PIF1: variants seen among roughly 807,000 people sequenced by gnomAD.
PIF1 encodes the protein ATP-dependent DNA helicase PIF1.
A neutral mutation model predicts 62.3 loss-of-function variants in PIF1; 67 were observed. The ratio of observed to expected loss-of-function variants is 1.08; its 90% CI spans 0.88 to 1.32. The LOEUF (loss-of-function observed/expected upper bound fraction) is 1.32, where lower values mean the gene tolerates loss of function less well. Among genes scored for constraint, PIF1 ranks in the 40% most tolerant of loss-of-function variants. PIF1 has a pLI of 0.00. For synonymous variants in PIF1, 364 were observed against 379.5 expected (o/e 0.96, Z 0.47); for missense variants, 886 against 866.1 (o/e 1.02, Z -0.29).
In PIF1 at chr15:64,818,117, C is replaced by A. The variant is rs781154705; in HGVS notation, c.1529-26G>T. On this transcript the variant is annotated intron_variant, in intron 10 of 12. Transcript: ENST00000559239. ...CTAAGGAGAGCATGGAGCAGTCCAA[C>A]TTTAGCTCTGCTTCAGGGCTCTGAG... is the stretch of plus-strand genomic sequence containing the variant. 1.9e-6 allele frequency: 3 copies of A among 1,613,134 alleles called. No individual in the cohort carries two copies. The East Asian group carries it at 6.7e-5, about 36-fold the overall frequency.
chr15:64,818,142 G>A, intron 10 of PIF1, 51 bp from the exon 11 acceptor site: 6 of 1,611,936 alleles, frequency 3.7e-6, no homozygotes, highest in Non-Finnish European at 5.1e-6. Context: ...AGGGCTCTGA[G>A]GTGAGGAGCA....
intron 11 of PIF1, 124 bp downstream of exon 11, chr15:64,817,822 A>C: frequency 8.6e-7 from 1 of 1,160,866 alleles, no homozygotes; most frequent in Non-Finnish European, 1.2e-6. Flanking sequence ...AGATCGCGCC[A>C]CTGCACTCCA....
chr15:64,820,001 C>T lies in PIF1; in HGVS notation c.1194-15G>A, dbSNP rs774600030. 1.5e-5 allele frequency: 24 copies of T among 1,611,214 alleles called. No individual in the cohort carries two copies. Among genetic ancestry groups the T allele is most frequent in the Non-Finnish European group, 2.0e-5 (24 of 1,178,610 alleles). ...CATCTGAACACCTGTTGGGGCTGGA[C>T]TGTCAGGGCAGAGCCCACCTGTGCA... On this transcript the variant is annotated splice_polypyrimidine_tract_variant and intron_variant, in intron 7 of 12. Coordinates refer to ENST00000559239, the MANE Select transcript of PIF1 (RefSeq NM_001286496.2).
chr15:64,819,988 T>C lies in PIF1; in HGVS notation c.1194-2A>G. On this transcript the variant is annotated splice_acceptor_variant, in intron 7 of 12. Coordinates refer to ENST00000559239, the MANE Select transcript of PIF1 (RefSeq NM_001286496.2). LOFTEE classifies it high-confidence loss of function. ...TGGCGGGTCACCTCATCTGAACACC[T>C]GTTGGGGCTGGACTGTCAGGGCAGA... The C allele has an allele frequency of 1.9e-6, 3 of 1,613,134 alleles. No homozygotes were observed. Among genetic ancestry groups the C allele is most frequent in the Non-Finnish European group, 2.5e-6 (3 of 1,179,564 alleles).
Position 64,818,082 on chromosome 15 carries a change from T to C in PIF1, c.1538A>G (p.Gln513Arg). Residue 513 changes from glutamine (Q) to arginine (R), a missense_variant, in exon 11 of 13, where the codon CAG becomes CGG. Transcript: ENST00000559239. The part of the protein sequence containing the change: ...GFEAEGRGLP[Q>R]VRFLCGVTEV... ...AGTGACTCCACACAGGAACCGCACC[T>C]GGGGTAGCCCTAAGGAGAGCATGGA... is the stretch of plus-strand genomic sequence containing the variant. 1 of 1,613,916 alleles carries C rather than the reference T, an allele frequency of 6.2e-7. No individual in the cohort carries two copies. Among genetic ancestry groups the C allele is most frequent in the Middle Eastern group, 1.7e-4 (1 of 6,044 alleles).
rs2084307195 is a variant in PIF1 at position 64,822,590 on chromosome 15, C to T, written c.579G>A (p.Leu193=). The change falls in exon 3 of 13, where the codon CTG becomes CTA. Residue 193 remains leucine (L), a synonymous_variant. Coordinates refer to ENST00000559239, the MANE Select transcript of PIF1 (RefSeq NM_001286496.2). ...AGGGCAAGCTCAGCCTCTTCACAGGCAGGGGCCACCTTGGGGCTTCCTGGG... is the reference window on the plus strand; with the variant it reads ...AGGGCAAGCTCAGCCTCTTCACAGGTAGGGGCCACCTTGGGGCTTCCTGGG... ...EPSTEAPRWP[L]PVKRLSLPST... 2 of 1,614,054 alleles carry T rather than the reference C, an allele frequency of 1.2e-6. No individual in the cohort carries two copies. Among genetic ancestry groups the T allele is most frequent in the Non-Finnish European group, 1.7e-6 (2 of 1,180,020 alleles).
chr15:64,823,434 T>G lies in PIF1; in HGVS notation c.558+344A>C, dbSNP rs146361113. The stretch of plus-strand genomic sequence containing the variant: ...GGCTAATTTTTGTATTTTTAGTAGA[T>G]ACGAGGTTTCACCATGTTGGCCAGG... On this transcript the variant is annotated intron_variant, in intron 2 of 12. Coordinates refer to ENST00000559239, the MANE Select transcript of PIF1 (RefSeq NM_001286496.2). 1,774 of 180,682 alleles carry G rather than the reference T, an allele frequency of 9.8e-3. 33 individuals carry two copies. The highest frequency in any genetic ancestry group is 0.04 in the African/African-American group (1,693 of 42,708). The allele number at this position is 180,682 out of a possible 1,614,324, so 11.2% of individuals were successfully genotyped here.
At chr15:64,820,936 C>A in intron 7 of PIF1, 46 bp downstream of exon 7, 1 of 1,546,396 alleles carries the variant, frequency 6.5e-7, no homozygotes, top group South Asian at 1.1e-5. Flanking sequence ...GTGGCCCATG[C>A]CTGGATCCTC....
chr15:64,820,938 T>C (rs757888768), intron 7 of PIF1, 44 bp downstream of exon 7: 2 of 1,556,396 alleles, frequency 1.3e-6, no homozygotes, highest in African/African-American at 2.7e-5. Flanking sequence ...GGCCCATGCC[T>C]GGATCCTCAT....
In PIF1 at chr15:64,824,083, G is replaced by T. The variant is rs1402396640; in HGVS notation, c.253C>A (p.Arg85Ser). The part of the protein sequence containing the change: ...RLFTRFAEAG[R>S]STLRLPAHDT... ...TGGGCGGGGAGCCGCAGGGTGCTGC[G>T]CCCGGCCTCGGCGAAACGCGTGAAG... Residue 85 changes from arginine (R) to serine (S), a missense_variant, in exon 2 of 13, where the codon CGC (arginine) becomes AGC (serine). Coordinates refer to ENST00000559239, the MANE Select transcript of PIF1 (RefSeq NM_001286496.2). 1.6e-6 allele frequency: 2 copies of T among 1,267,376 alleles called. No homozygotes were observed. Among genetic ancestry groups the T allele is most frequent in the Non-Finnish European group, 2.0e-6 (2 of 1,007,992 alleles). 78.5% of individuals were successfully genotyped at this position (1,267,376 alleles called of 1,614,324 possible).
In PIF1 at chr15:64,816,636, G is replaced by A. The variant is rs763011947; in HGVS notation, c.1804C>T (p.Arg602Cys). ...AAGTGCAGCACACGGGGGTCACAGC[G>A]AACCGCCATGGGGTCAAAGTCCAGC... ...RVLDFDPMAV[R>C]CDPRVLHFYA... Residue 602 changes from arginine (R) to cysteine (C), a missense_variant, in exon 12 of 13, where the codon CGC (arginine) becomes TGC (cysteine). Physicochemically the swap from Arg to Cys is radical, Grantham distance 180. Coordinates refer to ENST00000559239, the MANE Select transcript of PIF1 (RefSeq NM_001286496.2). 3.0e-5 allele frequency: 49 copies of A among 1,613,948 alleles called. No individual in the cohort carries two copies. Among genetic ancestry groups the A allele is most frequent in the African/African-American group, 1.9e-4 (14 of 74,936 alleles).
upstream of PIF1, among the ~76,000 whole-genome samples, chr15:64,826,506 C>T (rs939167303): frequency 4.0e-5 from 6 of 150,344 alleles, no homozygotes; most frequent in African/African-American, 1.5e-4. Context: ...TCTCTGCTCA[C>T]TGCAACCTCT....
At position 64,816,272 on chromosome 15, in the gene PIF1, C is replaced by G. The variant is rs1263659218; in HGVS notation, c.*26G>C. 2 of 1,613,582 alleles carry G rather than the reference C, an allele frequency of 1.2e-6. No individual in the cohort carries two copies. Among genetic ancestry groups the G allele is most frequent in the African/African-American group, 1.3e-5 (1 of 74,998 alleles). On this transcript the variant is annotated 3_prime_UTR_variant, in exon 13 of 13. Transcript: ENST00000559239. ...GAGGACGGGGAGGCCACAGGCCACC[C>G]TTTGTCTTCTCTTTGTGGGTGAGGC...
At chr15:64,819,798 C>T (rs748063337) in intron 8 of PIF1, 49 bp downstream of exon 8, 3 of 1,605,540 alleles carry the variant, frequency 1.9e-6, no homozygotes, top group South Asian at 2.2e-5. Flanking sequence ...GCTACATCTG[C>T]TTATAACTCT....
intron 8 of PIF1, among the ~76,000 whole-genome samples, chr15:64,819,637 G>A (rs375947871): frequency 4.6e-5 from 7 of 152,190 alleles, no homozygotes; most frequent in East Asian, 3.8e-4. Context: ...ACCAGAGCAC[G>A]GGGGTAGGGA....
In PIF1 at chr15:64,816,663, C is replaced by T. The variant is rs749241467; in HGVS notation, c.1777G>A (p.Val593Met). 3 of 1,614,074 alleles carry T rather than the reference C, an allele frequency of 1.9e-6. No homozygotes were observed. The highest frequency in any genetic ancestry group is 1.3e-5 in the African/African-American group (1 of 75,082). Residue 593 changes from valine to methionine, a missense_variant, in exon 12 of 13, where the codon GTG becomes ATG. Physicochemically the swap from Val to Met is conservative, Grantham distance 21. Coordinates refer to ENST00000559239, the MANE Select transcript of PIF1 (RefSeq NM_001286496.2). The stretch of plus-strand genomic sequence containing the variant: ...ACCGCCATGGGGTCAAAGTCCAGCA[C>T]ACGTAGGCCCTGCAGGCTGCGGGCC... ...SRARSLQGLR[V>M]LDFDPMAVRC...
At chr15:64,826,632 A>ATT (rs2084370941), upstream of PIF1, among the ~76,000 whole-genome samples, 1 of 12,728 alleles carries the variant, frequency 7.9e-5, no homozygotes, top group African/African-American at 1.8e-4. Context: ...ATTTATATAT[A>ATT]TATATATATA....
intron 6 of PIF1, 39 bp downstream of exon 6, chr15:64,821,128 A>C (rs1415197983): frequency 1.2e-6 from 2 of 1,612,608 alleles, no homozygotes; most frequent in South Asian, 2.2e-5. Context: ...GGAGCAGAGC[A>C]GACCCCCAAG....
At position 64,822,113 on chromosome 15, in the gene PIF1, G is replaced by A. The variant is rs1595816661; in HGVS notation, c.817+153C>T. ...TGGTCTCAAACTCCTGGGCTCAAGC[G>A]ATCCTCCCACCTTGGCCTCCTAAAG... is the stretch of plus-strand genomic sequence containing the variant. On this transcript the variant is annotated intron_variant, in intron 4 of 12. Coordinates refer to ENST00000559239, the MANE Select transcript of PIF1 (RefSeq NM_001286496.2). 22 of 956,778 alleles carry A rather than the reference G, an allele frequency of 2.3e-5. No homozygotes were observed. The East Asian group carries it at 4.7e-4, about 20-fold the overall frequency. 59.3% of individuals were successfully genotyped at this position (956,778 alleles called of 1,614,324 possible).
Sources: gnomAD v4.1 joint callset for allele counts (sites outside exome capture counted in the v4.1 genomes callset) on GRCh38, gnomAD v4.1.1 for gene constraint, MANE v1.5 for transcripts, NCBI Gene and HGNC (gene_info 2026-07-23, HGNC 2026-07-21) for gene names.